Variants in OASL observed in about 807,000 individuals in gnomAD.
OASL encodes 2'-5'-oligoadenylate synthase-like protein.
OASL carries 28 observed loss-of-function variants against 35.3 expected under a neutral mutation model. That is an observed-to-expected ratio of 0.79 (90% CI 0.59 to 1.09). The LOEUF (loss-of-function observed/expected upper bound fraction) is 1.09. Ranked by LOEUF, OASL falls within the 50% of genes least tolerant of loss-of-function variation. The probability of loss-of-function intolerance (pLI) is 0.00; values close to 1 mark genes in which losing one functional copy is unlikely to be tolerated. For synonymous variants in OASL, 252 were observed against 254.6 expected (o/e 0.99, Z 0.10); for missense variants, 620 against 635.2 (o/e 0.98, Z 0.26).
chr12:121,025,645 C>T (rs1238400099), intron 4 of OASL, among the ~76,000 whole-genome samples: 2 of 151,814 alleles, frequency 1.3e-5, no homozygotes, highest in East Asian at 3.9e-4. Flanking sequence ...GCCTGTAGTC[C>T]CAGTTACTTG....
chr12:121,023,886 A>G, intron 5 of OASL, 104 bp downstream of exon 5: 7 of 1,397,980 alleles, frequency 5.0e-6, no homozygotes, highest in South Asian at 1.4e-5. Context: ...CGGTGACTCT[A>G]AAGTTCTGTT....
intron 3 of OASL, among the ~76,000 whole-genome samples, chr12:121,029,643 G>A (rs1366816178): frequency 1.3e-5 from 2 of 151,734 alleles, no homozygotes; most frequent in Non-Finnish European, 2.9e-5. Flanking sequence ...AGCTGAGATT[G>A]CGCCACTGCA....
chr12:121,022,695 C>A (rs1032751552), intron 5 of OASL, among the ~76,000 whole-genome samples: 9 of 152,230 alleles, frequency 5.9e-5, no homozygotes, highest in African/African-American at 2.2e-4. Flanking sequence ...CTGTACACAT[C>A]TTGCTCATCC....
intron 3 of OASL, among the ~76,000 whole-genome samples, 179 bp downstream of exon 3, chr12:121,031,263 T>G (rs1233662897): frequency 6.6e-6 from 1 of 152,168 alleles, no homozygotes; most frequent in African/African-American, 2.4e-5. Context: ...CCTCCTCTCC[T>G]CCTTTTCCAC....
At chr12:121,029,008 T>A (rs937164989) in intron 3 of OASL, among the ~76,000 whole-genome samples, 2 of 136,688 alleles carry the variant, frequency 1.5e-5, no homozygotes, top group African/African-American at 5.6e-5. Flanking sequence ...GAGGTTGCAG[T>A]GAACCAAGAT....
At chr12:121,025,770 AAAC>A (rs1343362888) in intron 4 of OASL, among the ~76,000 whole-genome samples, 2 of 151,334 alleles carry the variant, frequency 1.3e-5, no homozygotes, top group African/African-American at 4.9e-5. Flanking sequence ...AAAAAAAAAA[AAAC>A]AAAACCCAAA....
At chr12:121,029,049 T>A (rs1438212732) in intron 3 of OASL, among the ~76,000 whole-genome samples, 2 of 112,398 alleles carry the variant, frequency 1.8e-5, no homozygotes, top group Non-Finnish European at 3.4e-5. Flanking sequence ...TGGGCAAGAG[T>A]GAGAACTTGT....
chr12:121,026,498 CAA>C (rs1320730354), intron 4 of OASL, among the ~76,000 whole-genome samples: 1 of 152,244 alleles, frequency 6.6e-6, no homozygotes, highest in African/African-American at 2.4e-5. Context: ...AGGCAGACAA[CAA>C]AGAGTGGGTA....
chr12:121,034,113 A>C (rs1368843809), intron 1 of OASL, among the ~76,000 whole-genome samples: 1 of 152,022 alleles, frequency 6.6e-6, no homozygotes, highest in Non-Finnish European at 1.5e-5. Context: ...CCTGGCACAC[A>C]GGAAGTCAGC....
intron 2 of OASL, among the ~76,000 whole-genome samples, chr12:121,032,332 G>A (rs1156764347): frequency 6.6e-6 from 1 of 152,042 alleles, no homozygotes; most frequent in African/African-American, 2.4e-5. Flanking sequence ...GCAACTCCAC[G>A]CAGCCAGCCA....
exon 5 of OASL, chr12:121,024,041 C>A: frequency 6.2e-7 from 1 of 1,614,178 alleles, no homozygotes; most frequent in Non-Finnish European, 8.5e-7. Flanking sequence ...AGCAACAGTC[C>A]TGTTTCAGGC....
exon 6 of OASL, chr12:121,020,324 G>A (rs1335333425): frequency 9.5e-6 from 4 of 421,650 alleles, no homozygotes; most frequent in African/African-American, 2.0e-5. Flanking sequence ...TTGTAGAGAC[G>A]GGGTCTCCCT....
chr12:121,022,513 C>T (rs1869288334), intron 5 of OASL, among the ~76,000 whole-genome samples: 1 of 152,238 alleles, frequency 6.6e-6, no homozygotes, highest in South Asian at 2.1e-4. Flanking sequence ...CGCCACTGCC[C>T]CCAGCCTACA....
chr12:121,027,944 T>C (rs560069342), intron 3 of OASL, 127 bp from the exon 4 acceptor site: 1 of 743,190 alleles, frequency 1.3e-6, no homozygotes, highest in African/African-American at 1.8e-5. Context: ...TGTGTGACCT[T>C]GGCCATGTCA....
chr12:121,038,762 G>T lies in OASL; in HGVS notation c.198+12C>A, dbSNP rs755461302. On this transcript the variant is annotated intron_variant, in intron 1 of 5. Coordinates refer to ENST00000257570, the Ensembl canonical transcript of OASL. ...TTTGTCTTGCGTGGGGGCTGGAGGA[G>T]CCCAGTCTTACCTTGACTACCTTCA... The T allele has an allele frequency of 2.2e-5, 35 of 1,613,360 alleles. 1 individual carries two copies. The South Asian group carries it at 3.6e-4, about 17-fold the overall frequency.
intron 5 of OASL, among the ~76,000 whole-genome samples, chr12:121,023,580 G>A (rs747735622): frequency 2.6e-5 from 4 of 152,138 alleles, no homozygotes; most frequent in Admixed American, 2.0e-4. Flanking sequence ...GTGAACCACC[G>A]CACCTGGCCG....
At chr12:121,031,728 A>T (rs918389661) in intron 2 of OASL, 111 bp from the exon 3 acceptor site, 3 of 814,060 alleles carry the variant, frequency 3.7e-6, no homozygotes, top group Non-Finnish European at 5.9e-6. Flanking sequence ...CTCCAGGGAC[A>T]CTTGAGACCT....
chr12:121,017,955 A>G (rs991047193), downstream of OASL, among the ~76,000 whole-genome samples: 1 of 152,246 alleles, frequency 6.6e-6, no homozygotes, highest in African/African-American at 2.4e-5. Context: ...TTGTGGAGAC[A>G]CCCACTGTTA....
intron 4 of OASL, among the ~76,000 whole-genome samples, chr12:121,025,861 G>T (rs1869462243): frequency 2.0e-5 from 3 of 152,060 alleles, no homozygotes; most frequent in Admixed American, 2.0e-4. Context: ...AATCGAATGT[G>T]ACACAGGCTA....
Sources: gnomAD v4.1 joint callset for allele counts (sites outside exome capture counted in the v4.1 genomes callset) on GRCh38, gnomAD v4.1.1 for gene constraint, MANE v1.5 for transcripts, NCBI Gene and HGNC (gene_info 2026-07-23, HGNC 2026-07-21) for gene names.